SHISA5: variants seen among roughly 807,000 people sequenced by gnomAD.
SHISA5 encodes the protein protein shisa-5.
In SHISA5, 21 loss-of-function variants were observed where a neutral mutation model predicts 27.5. That is an observed-to-expected ratio of 0.76 (90% CI 0.54 to 1.10). The LOEUF is 1.10. Ranked by LOEUF, SHISA5 falls within the 50% of genes least tolerant of loss-of-function variation. The probability of loss-of-function intolerance (pLI) is 0.00; values close to 1 mark genes in which losing one functional copy is unlikely to be tolerated. For missense variants in SHISA5, 314 were observed against 336.3 expected, an observed-to-expected ratio of 0.93 and a Z score of 0.52; for synonymous variants, 137 against 142.2, an observed-to-expected ratio of 0.96 and a Z score of 0.26.
At chr3:48,471,312 G>A (rs62264270) in intron 3 of SHISA5, among the ~76,000 whole-genome samples, 1 of 151,932 alleles carries the variant, frequency 6.6e-6, no homozygotes, top group Non-Finnish European at 1.5e-5. Flanking sequence ...GCCAGGGTGC[G>A]GTGGCTCATG....
rs1315613477 is a variant in SHISA5 at position 48,473,008 on chromosome 3, A to G, written c.315-3165T>C. Reference sequence around the variant, plus strand: ...CACACGCAGCATGGCGCCCAAGCTCACCCCATGTTAGCCTCTGCCTTCACC... The same window carrying G: ...CACACGCAGCATGGCGCCCAAGCTCGCCCCATGTTAGCCTCTGCCTTCACC... On this transcript the variant is annotated intron_variant, in intron 3 of 5. Coordinates refer to ENST00000296444, the MANE Select transcript of SHISA5 (RefSeq NM_016479.6). This position sits in a 1 kb window ranked among gnomAD's most constrained non-coding sequence, Gnocchi z 4.3. The G allele has an allele frequency of 1.3e-6, 2 of 1,535,654 alleles. No homozygotes were observed. The highest frequency in any genetic ancestry group is 1.7e-6 in the Non-Finnish European group (2 of 1,146,738).
At chr3:48,485,157 A>G (rs1479201348) in intron 2 of SHISA5, among the ~76,000 whole-genome samples, 1 of 152,068 alleles carries the variant, frequency 6.6e-6, no homozygotes, top group Non-Finnish European at 1.5e-5. Flanking sequence ...CCTGGGGGAC[A>G]GAGCAAGACT....
In SHISA5 at chr3:48,473,278, TTGCCTCCCAGAGC is replaced by T. The variant is rs1296960518; in HGVS notation, c.315-3448_315-3436del. 14 of 1,398,318 alleles carry T rather than the reference TTGCCTCCCAGAGC, an allele frequency of 1.0e-5. No homozygotes were observed. In the Admixed American group the frequency reaches 1.7e-4, roughly 17 times the overall value. 86.6% of individuals were successfully genotyped at this position (1,398,318 alleles called of 1,614,324 possible). The stretch of plus-strand genomic sequence containing the variant: ...AGGAGGGGAAGCAGAGGTGCCCCAT[TTGCCTCCCAGAGC>T]TGCCTCCCTGAGCCAAGCCTACAGG... On this transcript the variant is annotated intron_variant, in intron 3 of 5. Coordinates refer to ENST00000296444, the MANE Select transcript of SHISA5 (RefSeq NM_016479.6). This position sits in a 1 kb window ranked among gnomAD's most constrained non-coding sequence, Gnocchi z 4.3.
chr3:48,475,148 A>G (rs939662646), intron 3 of SHISA5, among the ~76,000 whole-genome samples: 1 of 152,208 alleles, frequency 6.6e-6, no homozygotes, highest in South Asian at 2.1e-4. Flanking sequence ...TAATCAATAA[A>G]TATTGGACAG....
At chr3:48,503,675 C>T (rs2041819107) in intron 1 of SHISA5, 1 of 1,109,296 alleles carries the variant, frequency 9.0e-7, no homozygotes, top group Non-Finnish European at 1.1e-6. Context: ...GGGGCCAGCT[C>T]GCCCTGCAGC....
At chr3:48,502,513 C>T in intron 1 of SHISA5, 1 of 394,588 alleles carries the variant, frequency 2.5e-6, no homozygotes. Flanking sequence ...TTACAAGTCT[C>T]AATAAACGAG....
chr3:48,476,987 C>A, intron 3 of SHISA5: 1 of 422,592 alleles, frequency 2.4e-6, no homozygotes, highest in South Asian at 1.7e-5. Context: ...CTGAGCTGGC[C>A]CCAGTCACCT....
intron 1 of SHISA5, among the ~76,000 whole-genome samples, chr3:48,501,532 A>G (rs2041755365): frequency 6.6e-6 from 1 of 152,088 alleles, no homozygotes; most frequent in Admixed American, 6.6e-5. Context: ...TCACCAGTGC[A>G]CTGGCCTCCT....
rs146929144 is a variant in SHISA5 at position 48,479,959 on chromosome 3, G to A, written c.234-702C>T. 5.8e-3 allele frequency among the ~76,000 whole-genome samples: 837 copies of A among 145,158 alleles called. 6 individuals carry two copies. Among genetic ancestry groups the A allele is most frequent in the African/African-American group, 0.02 (795 of 38,918 alleles). The stretch of plus-strand genomic sequence containing the variant: ...TGCTCTCTCGCCCAGGCTGGAGTGC[G>A]GTGGCGCGATCTCGGCTCACTGCAA... On this transcript the variant is annotated intron_variant, in intron 2 of 5. Transcript: ENST00000296444.
chr3:48,479,466 G>A (rs1003282884), intron 2 of SHISA5: 15 of 570,116 alleles, frequency 2.6e-5, no homozygotes, highest in Non-Finnish European at 4.7e-5. Context: ...CTCCAGGAGA[G>A]AACATATGTT....
chr3:48,469,407 G>A lies in SHISA5; in HGVS notation c.597C>T (p.Tyr199=). Residue 199 remains tyrosine, a synonymous_variant, in exon 5 of 6, where the codon TAC becomes TAT. Transcript: ENST00000296444. This position sits in a 1 kb window ranked among gnomAD's most constrained non-coding sequence, Gnocchi z 4.6. ...APYPMQYPPP[Y]PAQPMGPPAY... ...CCGGTGGGCCCATGGGCTGGGCTGG[G>A]TAAGGTGGTGGGTACTGCATTGGGT... is the stretch of plus-strand genomic sequence containing the variant. 6.2e-7 allele frequency: 1 copy of A among 1,608,564 alleles called. No homozygotes were observed. Among genetic ancestry groups the A allele is most frequent in the Non-Finnish European group, 8.5e-7 (1 of 1,176,468 alleles).
chr3:48,469,643 T>A lies in SHISA5; in HGVS notation c.431-70A>T. 1 of 1,594,046 alleles carries A rather than the reference T, an allele frequency of 6.3e-7. No homozygotes were observed. The highest frequency in any genetic ancestry group is 8.6e-7 in the Non-Finnish European group (1 of 1,169,176). Reference sequence around the variant, plus strand: ...TCTTGAGAGCCAGGCTTGCCACCCATCCCTCCAGCTTAGCCAAAGCAGGGC... The same window carrying A: ...TCTTGAGAGCCAGGCTTGCCACCCAACCCTCCAGCTTAGCCAAAGCAGGGC... On this transcript the variant is annotated intron_variant, in intron 4 of 5. Coordinates refer to ENST00000296444, the MANE Select transcript of SHISA5 (RefSeq NM_016479.6). This position sits in a 1 kb window ranked among gnomAD's most constrained non-coding sequence, Gnocchi z 4.6.
chr3:48,504,022 C>G lies in SHISA5; in HGVS notation c.73G>C (p.Gly25Arg). 1 of 1,468,054 alleles carries G rather than the reference C, an allele frequency of 6.8e-7. No homozygotes were observed. The highest frequency in any genetic ancestry group is 9.0e-7 in the Non-Finnish European group (1 of 1,106,854). The allele number at this position is 1,468,054 out of a possible 1,614,324, so 90.9% of individuals were successfully genotyped here. The change falls in exon 1 of 6, where the codon GGT becomes CGT. Residue 25 changes from glycine (G) to arginine (R), a missense_variant. Coordinates refer to ENST00000296444, the MANE Select transcript of SHISA5 (RefSeq NM_016479.6). The surrounding 1 kb of genome is among the most constrained non-coding windows in gnomAD (Gnocchi z 4.0). ...LLLLLLTPPPGARGEVCMASR... is the reference protein window; with the variant it reads ...LLLLLLTPPPRARGEVCMASR... ...GCCGCCCCCACCCCCGGCTCACCAC[C>G]CGGAGGCGGCGTTAGCAGCAGCAGC...
At chr3:48,483,773 C>G (rs2041107996) in intron 2 of SHISA5, among the ~76,000 whole-genome samples, 1 of 148,838 alleles carries the variant, frequency 6.7e-6, no homozygotes, top group Admixed American at 6.7e-5. Flanking sequence ...GGGGCTGACC[C>G]CACCACCTCC....
intron 2 of SHISA5, among the ~76,000 whole-genome samples, chr3:48,500,372 A>C (rs1189792476): frequency 4.6e-5 from 7 of 152,210 alleles, no homozygotes; most frequent in African/African-American, 1.7e-4. Context: ...CTATAGTTCC[A>C]GCTACTCAGG....
chr3:48,471,166 C>T (rs920895703), intron 3 of SHISA5, among the ~76,000 whole-genome samples: 2 of 152,010 alleles, frequency 1.3e-5, no homozygotes, highest in African/African-American at 4.8e-5. Context: ...TAGCTGGAAC[C>T]ACAGGCATGC....
At chr3:48,472,558 T>C (rs2040673113) in intron 3 of SHISA5, among the ~76,000 whole-genome samples, 1 of 150,888 alleles carries the variant, frequency 6.6e-6, no homozygotes, top group Non-Finnish European at 1.5e-5. Flanking sequence ...CAACCCAAGC[T>C]TTATTCCAAC....
intron 1 of SHISA5, among the ~76,000 whole-genome samples, chr3:48,501,883 CAG>C (rs2041767943): frequency 7.3e-6 from 1 of 136,216 alleles, no homozygotes; most frequent in African/African-American, 3.0e-5. Context: ...TTTTTTGAGA[CAG>C]AGTCTCACTC....
chr3:48,488,241 CTTTTTTTTTTT>C (rs1207569528), intron 2 of SHISA5, among the ~76,000 whole-genome samples: 1 of 111,836 alleles, frequency 8.9e-6, no homozygotes, highest in Non-Finnish European at 1.8e-5. Context: ...CTCTTGACTG[CTTTTTTTTTTT>C]TTTTTTTTTT....
Sources: gnomAD v4.1 joint callset for allele counts (sites outside exome capture counted in the v4.1 genomes callset) on GRCh38, gnomAD v4.1.1 for gene constraint, Gnocchi (gnomAD v3.1) non-coding constraint, MANE v1.5 for transcripts, NCBI Gene and HGNC (gene_info 2026-07-23, HGNC 2026-07-21) for gene names.